Variants in SLC22A15 observed in about 807,000 individuals in gnomAD.
SLC22A15 encodes solute carrier family 22 member 15.
A neutral mutation model predicts 62.7 loss-of-function variants in SLC22A15; 45 were observed. That is an observed-to-expected ratio of 0.72 (90% CI 0.56 to 0.92). The LOEUF is 0.92. Among genes scored for constraint, SLC22A15 ranks in the 40% least tolerant of loss-of-function variants. The pLI, the probability that SLC22A15 is intolerant of heterozygous loss-of-function variation, is 0.00. For missense variants in SLC22A15, 622 were observed against 665.6 expected, an observed-to-expected ratio of 0.93 and a Z score of 0.72; for synonymous variants, 264 against 267.0, an observed-to-expected ratio of 0.99 and a Z score of 0.11.
intron 5 of SLC22A15, among the ~76,000 whole-genome samples, chr1:116,029,129 A>C (rs1437008383): frequency 4.6e-5 from 7 of 152,180 alleles, no homozygotes; most frequent in Non-Finnish European, 2.9e-5. Context: ...TGGACATTGC[A>C]CAAATGTTGG....
intron 8 of SLC22A15, among the ~76,000 whole-genome samples, chr1:116,042,084 A>C (rs994759694): frequency 8.2e-5 from 7 of 85,754 alleles, no homozygotes; most frequent in African/African-American, 2.7e-4. Context: ...CCAGCACCCC[A>C]AAAAATAACA....
intron 2 of SLC22A15, among the ~76,000 whole-genome samples, chr1:116,006,606 C>T (rs1312987123): frequency 2.0e-5 from 3 of 152,088 alleles, no homozygotes; most frequent in African/African-American, 4.8e-5. Context: ...ATCTAAGAAT[C>T]GCTGTCTCCC....
Position 115,976,800 on chromosome 1 carries a change from C to A in SLC22A15, c.87+86C>A, listed in dbSNP as rs183555485. On this transcript the variant is annotated intron_variant, in intron 1 of 11. Transcript: ENST00000369503. ...GGCGTCCGCTCCCAGACCGCCGGGG[C>A]CGGGGCCGAGGCCGAGGCTCTGCAA... is the stretch of plus-strand genomic sequence containing the variant. 183 of 1,098,478 alleles carry A rather than the reference C, an allele frequency of 1.7e-4. 1 individual carries two copies. In the African/African-American group the frequency reaches 2.5e-3, roughly 15 times the overall value. The allele number at this position is 1,098,478 out of a possible 1,614,324, so 68.0% of individuals were successfully genotyped here. A position where few individuals can be genotyped will look rare whatever the true frequency, so the allele number is the denominator to read the frequency against.
intron 8 of SLC22A15, among the ~76,000 whole-genome samples, chr1:116,051,323 G>T (rs941376058): frequency 6.6e-6 from 1 of 152,140 alleles, no homozygotes; most frequent in African/African-American, 2.4e-5. Flanking sequence ...ATACTATAGG[G>T]CCATAGTCAC....
intron 5 of SLC22A15, among the ~76,000 whole-genome samples, chr1:116,028,121 C>G (rs1421198314): frequency 6.6e-6 from 1 of 152,104 alleles, no homozygotes; most frequent in Non-Finnish European, 1.5e-5. Context: ...TATCCGGGGT[C>G]TAAATTGAGA....
At chr1:116,041,117 T>C (rs1657772327) in intron 8 of SLC22A15, among the ~76,000 whole-genome samples, 1 of 152,160 alleles carries the variant, frequency 6.6e-6, no homozygotes, top group Non-Finnish European at 1.5e-5. Flanking sequence ...ATCTGAACAG[T>C]AGGAGATCAT....
At chr1:116,018,954 T>C (rs1480759464) in intron 2 of SLC22A15, among the ~76,000 whole-genome samples, 1 of 152,238 alleles carries the variant, frequency 6.6e-6, no homozygotes. Context: ...GCATACAACA[T>C]TTTGTTTATT....
At chr1:116,060,393 A>G (rs1176528575) in intron 8 of SLC22A15, among the ~76,000 whole-genome samples, 1 of 152,204 alleles carries the variant, frequency 6.6e-6, no homozygotes, top group Non-Finnish European at 1.5e-5. Context: ...AATGGGCTAC[A>G]GCTGGAGCTA....
chr1:116,030,070 A>G (rs1222904106), intron 5 of SLC22A15, among the ~76,000 whole-genome samples: 1 of 152,228 alleles, frequency 6.6e-6, no homozygotes, highest in Non-Finnish European at 1.5e-5. Flanking sequence ...TTTGTCCGTA[A>G]TAATAATCAA....
chr1:115,989,587 C>T (rs1655049809), intron 1 of SLC22A15, among the ~76,000 whole-genome samples: 1 of 152,012 alleles, frequency 6.6e-6, no homozygotes, highest in Non-Finnish European at 1.5e-5. Context: ...TCAAGACCAG[C>T]CTGGCCAACA....
intron 1 of SLC22A15, among the ~76,000 whole-genome samples, chr1:115,982,057 T>A (rs1654635324): frequency 6.6e-6 from 1 of 152,242 alleles, no homozygotes; most frequent in Non-Finnish European, 1.5e-5. Context: ...AGTTTCCCAA[T>A]GCCCAACAAT....
At chr1:116,042,650 G>A (rs954001906) in intron 8 of SLC22A15, among the ~76,000 whole-genome samples, 1 of 152,186 alleles carries the variant, frequency 6.6e-6, no homozygotes, top group Non-Finnish European at 1.5e-5. Context: ...AGAGGATAGA[G>A]CAGTCCTAAC....
intron 2 of SLC22A15, among the ~76,000 whole-genome samples, chr1:116,013,098 C>T (rs190977342): frequency 3.9e-5 from 6 of 152,292 alleles, no homozygotes; most frequent in Non-Finnish European, 7.4e-5. Context: ...GTATGATGTT[C>T]GGTAGGTTAG....
intron 2 of SLC22A15, 150 bp from the exon 3 acceptor site, chr1:116,019,432 G>C: frequency 5.6e-6 from 4 of 710,380 alleles, no homozygotes; most frequent in Non-Finnish European, 9.0e-6. Context: ...CTGATTGGAC[G>C]TTGTCTGAGA....
chr1:116,035,411 A>G (rs1395615590), intron 7 of SLC22A15, 84 bp downstream of exon 7: 5 of 1,218,678 alleles, frequency 4.1e-6, no homozygotes, highest in East Asian at 5.3e-5. Context: ...GCATATCTAT[A>G]TGGTGTTGTC....
chr1:116,015,130 G>A (rs1228519057), intron 2 of SLC22A15: 1 of 152,190 alleles, frequency 6.6e-6, no homozygotes, highest in Non-Finnish European at 1.5e-5. Context: ...CATGTTGGGA[G>A]ATGAAGGATG....
intron 8 of SLC22A15, among the ~76,000 whole-genome samples, chr1:116,051,544 A>G (rs964331821): frequency 1.3e-5 from 2 of 152,214 alleles, no homozygotes; most frequent in Non-Finnish European, 2.9e-5. Context: ...CTCATTTCTC[A>G]CCTATACAAA....
chr1:115,989,850 G>A (rs995500487), intron 1 of SLC22A15, among the ~76,000 whole-genome samples: 6 of 151,828 alleles, frequency 4.0e-5, no homozygotes, highest in Non-Finnish European at 5.9e-5. Flanking sequence ...CACATAGTTA[G>A]CATTATAAAG....
At chr1:116,063,032 C>A in intron 9 of SLC22A15, 150 bp downstream of exon 9, 1 of 926,584 alleles carries the variant, frequency 1.1e-6, no homozygotes, top group Non-Finnish European at 1.7e-6. Flanking sequence ...GAGAGCTTGC[C>A]TTGGCAGACT....
Sources: allele counts gnomAD v4.1 joint callset (sites outside exome capture counted in the v4.1 genomes callset), GRCh38; gene constraint gnomAD v4.1.1; transcripts MANE v1.5; gene names NCBI Gene and HGNC (gene_info 2026-07-23, HGNC 2026-07-21).